Variants in ETFA observed in about 807,000 individuals in gnomAD.
ETFA encodes electron transfer flavoprotein subunit alpha, mitochondrial.
A neutral mutation model predicts 46.2 loss-of-function variants in ETFA; 22 were observed. The observed-to-expected ratio is 0.48, with a 90% CI of 0.34 to 0.68. ETFA has a LOEUF of 0.68. Among genes scored for constraint, ETFA ranks in the 30% least tolerant of loss-of-function variants. The probability of loss-of-function intolerance (pLI) is 0.01; values close to 1 mark genes in which losing one functional copy is unlikely to be tolerated. For missense variants in ETFA, 345 were observed against 401.1 expected (o/e 0.86, Z 1.19); for synonymous variants, 131 against 139.9 (o/e 0.94, Z 0.45).
At chr15:76,220,315 A>C (rs1375753858) in intron 11 of ETFA, among the ~76,000 whole-genome samples, 1 of 152,210 alleles carries the variant, frequency 6.6e-6, no homozygotes, top group African/African-American at 2.4e-5. Flanking sequence ...TGATCCACCC[A>C]CCTTGGCCTC....
chr15:76,279,966 A>G (rs961495790), intron 8 of ETFA, among the ~76,000 whole-genome samples: 1 of 151,372 alleles, frequency 6.6e-6, no homozygotes, highest in African/African-American at 2.4e-5. Context: ...AGGCACAATC[A>G]TAACACAATA....
At chr15:76,233,266 C>G (rs1429344134) in intron 9 of ETFA, among the ~76,000 whole-genome samples, 2 of 149,456 alleles carry the variant, frequency 1.3e-5, no homozygotes, top group Admixed American at 6.7e-5. Context: ...TGGACACTTG[C>G]ATAAGTAGTA....
Position 76,259,044 on chromosome 15 carries a change from T to C in ETFA, c.816+15368A>G, listed in dbSNP as rs1269059353. On this transcript the variant is annotated intron_variant, in intron 9 of 11. Transcript: ENST00000557943. ...CAGCAGCAAAAGCCTCTGTGTCTCA[T>C]TGAGGGGACTCTCTGGCTGGTGCTC... 5.0e-6 allele frequency: 8 copies of C among 1,606,116 alleles called. No individual in the cohort carries two copies. The Admixed American group carries it at 8.3e-5, about 17-fold the overall frequency.
intron 1 of ETFA, among the ~76,000 whole-genome samples, chr15:76,298,186 G>A (rs1167208085): frequency 6.6e-6 from 1 of 152,066 alleles, no homozygotes; most frequent in African/African-American, 2.4e-5. Flanking sequence ...GGGATTACAG[G>A]CATGCATTAC....
At chr15:76,287,509 G>A (rs1005924911) in intron 5 of ETFA, among the ~76,000 whole-genome samples, 18 of 152,266 alleles carry the variant, frequency 1.2e-4, no homozygotes, top group African/African-American at 4.1e-4. Context: ...AGTAGAAGCA[G>A]CAAAGATTGA....
At chr15:76,287,754 T>C (rs985853699) in intron 5 of ETFA, 92 bp downstream of exon 5, 1 of 973,864 alleles carries the variant, frequency 1.0e-6, no homozygotes, top group African/African-American at 1.6e-5. Flanking sequence ...AAAGCAATTG[T>C]ATGGTTTGAT....
At chr15:76,230,282 A>G (rs1458889794) in intron 10 of ETFA, 1 of 53,304 alleles carries the variant, frequency 1.9e-5, no homozygotes, top group Non-Finnish European at 3.7e-5. Flanking sequence ...GCTGGAGTGC[A>G]GTGGCGCGAT....
At chr15:76,225,280 GTTTT>G (rs140575261) in intron 11 of ETFA, among the ~76,000 whole-genome samples, 1 of 151,686 alleles carries the variant, frequency 6.6e-6, no homozygotes, top group Non-Finnish European at 1.5e-5. Context: ...AACCATGTGG[GTTTT>G]TTTTGTTTTG....
At chr15:76,235,820 T>C (rs551057428) in intron 9 of ETFA, among the ~76,000 whole-genome samples, 2 of 152,274 alleles carry the variant, frequency 1.3e-5, no homozygotes, top group African/African-American at 4.8e-5. Flanking sequence ...TAGGGGACAA[T>C]ATCTTTACCT....
intron 9 of ETFA, among the ~76,000 whole-genome samples, chr15:76,240,502 A>G (rs1300966069): frequency 6.6e-6 from 1 of 152,202 alleles, no homozygotes; most frequent in African/African-American, 2.4e-5. Flanking sequence ...TTCATTATGT[A>G]CGTCACATTT....
chr15:76,263,358 C>T (rs1372419800), intron 9 of ETFA, among the ~76,000 whole-genome samples: 1 of 152,186 alleles, frequency 6.6e-6, no homozygotes, highest in Non-Finnish European at 1.5e-5. Context: ...ACAAAGACCA[C>T]AGTGAAGGAA....
At chr15:76,273,581 AC>A (rs1261908250) in intron 9 of ETFA, among the ~76,000 whole-genome samples, 2 of 151,796 alleles carry the variant, frequency 1.3e-5, no homozygotes, top group African/African-American at 4.8e-5. Context: ...ACAAAACAAA[AC>A]AAAAAAAACT....
intron 9 of ETFA, among the ~76,000 whole-genome samples, chr15:76,264,726 A>G (rs2039452758): frequency 6.6e-6 from 1 of 152,250 alleles, no homozygotes; most frequent in Admixed American, 6.5e-5. Flanking sequence ...CATTGGAGGT[A>G]ACTTACATAA....
In ETFA at chr15:76,295,689, T is replaced by G. The variant is rs2039810890; in HGVS notation, c.88A>C (p.Asn30His). ...QSTLVIAEHANDSLAPITLNT... is the reference protein window; with the variant it reads ...QSTLVIAEHAHDSLAPITLNT... ...AAAGTAATGGGTGCTAGGGAATCAT[T>G]TGCATGCTCAGCTATTACCAGGGTA... Residue 30 changes from asparagine (N) to histidine (H), a missense_variant, in exon 2 of 12, where the codon AAT becomes CAT. Physicochemically the swap from Asn to His is moderately conservative, Grantham distance 68. Transcript: ENST00000557943. The G allele has an allele frequency of 1.2e-6, 2 of 1,613,546 alleles. No homozygotes were observed. Among genetic ancestry groups the G allele is most frequent in the East Asian group, 4.5e-5 (2 of 44,846 alleles).
At chr15:76,311,329 G>T in intron 1 of ETFA, 21 bp downstream of exon 1, 1 of 1,553,714 alleles carries the variant, frequency 6.4e-7, no homozygotes, top group East Asian at 2.4e-5. Context: ...CCCTGGGTTC[G>T]CCTTCCCAGT....
chr15:76,284,323 T>C (rs2039684730), intron 7 of ETFA: 1 of 160,086 alleles, frequency 6.2e-6, no homozygotes, highest in African/African-American at 2.4e-5. Context: ...CTTGAATAAA[T>C]AAGTGAATAA....
intron 9 of ETFA, among the ~76,000 whole-genome samples, chr15:76,237,441 T>C (rs1312552369): frequency 6.6e-6 from 1 of 152,094 alleles, no homozygotes; most frequent in Non-Finnish European, 1.5e-5. Context: ...CTCAAGAAAG[T>C]TGAAAATGAG....
In ETFA at chr15:76,258,932, A is replaced by C; in HGVS notation, c.816+15480T>G. ...GAGGTCAGACAGGGCTTTGTCAGCC[A>C]GCACAGTGGCCATCAGAGCCAGCCA... On this transcript the variant is annotated intron_variant, in intron 9 of 11. Coordinates refer to ENST00000557943, the MANE Select transcript of ETFA (RefSeq NM_000126.4). 2.4e-6 allele frequency: 3 copies of C among 1,238,350 alleles called. No individual in the cohort carries two copies. In the South Asian group the frequency reaches 3.8e-5, roughly 16 times the overall value. The allele number at this position is 1,238,350 out of a possible 1,614,324, so 76.7% of individuals were successfully genotyped here.
intron 8 of ETFA, 26 bp downstream of exon 8, chr15:76,283,731 C>A (rs756597238): frequency 2.8e-5 from 40 of 1,434,250 alleles, no homozygotes; most frequent in Admixed American, 8.4e-5. Flanking sequence ...AAGGGAATAT[C>A]TTTCTACTAA....
Sources: allele counts gnomAD v4.1 joint callset (sites outside exome capture counted in the v4.1 genomes callset), GRCh38; gene constraint gnomAD v4.1.1; transcripts MANE v1.5; gene names NCBI Gene and HGNC (gene_info 2026-07-23, HGNC 2026-07-21).